Variants in RWDD1 observed in about 807,000 individuals in gnomAD.
RWDD1 encodes RWD domain-containing protein 1.
Under a neutral mutation model 31.6 loss-of-function variants are expected in RWDD1, and 17 were observed. The observed-to-expected ratio is 0.54, with a 90% CI of 0.37 to 0.81. RWDD1 has a LOEUF of 0.81. Among genes scored for constraint, RWDD1 ranks in the 30% least tolerant of loss-of-function variants. The probability of loss-of-function intolerance (pLI) is 0.00; values close to 1 mark genes in which losing one functional copy is unlikely to be tolerated. For synonymous variants in RWDD1, 78 were observed against 94.2 expected (o/e 0.83, Z 0.99); for missense variants, 204 against 274.5 (o/e 0.74, Z 1.82).
In RWDD1 at chr6:116,595,205, A is replaced by C. The variant is rs910025677; in HGVS notation, c.*2104A>C. 1.3e-5 allele frequency: 2 copies of C among 152,238 alleles called. No individual in the cohort carries two copies. The highest frequency in any genetic ancestry group is 4.8e-5 in the African/African-American group (2 of 41,468). 9.4% of individuals were successfully genotyped at this position (152,238 alleles called of 1,614,324 possible). A position where few individuals can be genotyped will look rare whatever the true frequency, so the allele number is the denominator to read the frequency against. ...AAGACTTAACTTTGAAGTGTCAAGA[A>C]TGATAACCTCCCATCCACTTCATGT... On this transcript the variant is annotated 3_prime_UTR_variant, in exon 7 of 7. Transcript: ENST00000466444.
intron 1 of RWDD1, chr6:116,572,926 C>G: frequency 1.0e-6 from 1 of 985,262 alleles, no homozygotes; most frequent in African/African-American, 1.7e-5. Context: ...AGCAGTACAT[C>G]TGTGCTGTGA....
chr6:116,590,379 A>C lies in RWDD1; in HGVS notation c.522A>C (p.Glu174Asp). ...EIKKKRMKEE[E>D]QAGKNKLSGK... ...AAAAGAAAAGGATGAAAGAAGAAGA[A>C]CAAGCAGGAAAAAATAAATTAAGTG... The change falls in exon 5 of 7, where the codon GAA (glutamate) becomes GAC (aspartate). Residue 174 changes from glutamate (E) to aspartate (D), a missense_variant. Transcript: ENST00000466444. 6.3e-7 allele frequency: 1 copy of C among 1,596,372 alleles called. No homozygotes were observed. The highest frequency in any genetic ancestry group is 8.5e-7 in the Non-Finnish European group (1 of 1,174,746).
At chr6:116,573,367 A>G (rs1183581495) in intron 1 of RWDD1, among the ~76,000 whole-genome samples, 2 of 152,216 alleles carry the variant, frequency 1.3e-5, no homozygotes, top group Non-Finnish European at 2.9e-5. Context: ...GAGCCAGGGT[A>G]ATAAAAGACA....
chr6:116,592,984 A>C lies in RWDD1; in HGVS notation c.615A>C (p.Gly205=). 1.9e-6 allele frequency: 3 copies of C among 1,603,834 alleles called. No homozygotes were observed. Among genetic ancestry groups the C allele is most frequent in the Non-Finnish European group, 2.5e-6 (3 of 1,177,292 alleles). Residue 205 remains glycine (G), a synonymous_variant, in exon 7 of 7, where the codon GGA becomes GGC. Transcript: ENST00000466444. ...TSDIQFLEDA[G]NNVEVDESLF... Reference sequence around the variant, plus strand: ...TTTTTTGGTTGCCTTTTGCAGCTGGAAACAACGTGGAGGTAGATGAGTCTT... The same window carrying C: ...TTTTTTGGTTGCCTTTTGCAGCTGGCAACAACGTGGAGGTAGATGAGTCTT...
chr6:116,586,547 A>G (rs1445575457), intron 3 of RWDD1, among the ~76,000 whole-genome samples: 1 of 152,152 alleles, frequency 6.6e-6, no homozygotes, highest in African/African-American at 2.4e-5. Flanking sequence ...TTTTTGTAAA[A>G]CAGTTTACAG....
chr6:116,591,297 A>T (rs1408397143), intron 6 of RWDD1, among the ~76,000 whole-genome samples: 1 of 152,206 alleles, frequency 6.6e-6, no homozygotes, highest in Non-Finnish European at 1.5e-5. Flanking sequence ...CATATATTTT[A>T]AATTTTTTGG....
intron 1 of RWDD1, among the ~76,000 whole-genome samples, chr6:116,571,941 C>G (rs1184541998): frequency 1.3e-5 from 2 of 151,990 alleles, no homozygotes; most frequent in African/African-American, 4.8e-5. Flanking sequence ...CCTACAGCAA[C>G]CTGAGATTTA....
In RWDD1 at chr6:116,592,972, T is replaced by C; in HGVS notation, c.611-8T>C. 1 of 1,602,168 alleles carries C rather than the reference T, an allele frequency of 6.2e-7. No homozygotes were observed. The highest frequency in any genetic ancestry group is 2.2e-5 in the East Asian group (1 of 44,766). ...AGATTTTTTTTTTTTTTTGGTTGCCTTTTGCAGCTGGAAACAACGTGGAGG... is the reference window on the plus strand; with the variant it reads ...AGATTTTTTTTTTTTTTTGGTTGCCCTTTGCAGCTGGAAACAACGTGGAGG... On this transcript the variant is annotated splice_region_variant and splice_polypyrimidine_tract_variant and intron_variant, in intron 6 of 6. Transcript: ENST00000466444.
intron 2 of RWDD1, among the ~76,000 whole-genome samples, chr6:116,580,630 T>TAGG (rs1212835705): frequency 1.3e-5 from 2 of 152,068 alleles, no homozygotes; most frequent in Non-Finnish European, 2.9e-5. Flanking sequence ...TGAAAAAAGG[T>TAGG]AGGAAACTTT....
intron 1 of RWDD1, 76 bp downstream of exon 1, chr6:116,571,731 C>G: frequency 1.2e-5 from 16 of 1,384,594 alleles, no homozygotes; most frequent in Non-Finnish European, 1.6e-5. Context: ...AGCTCTGGGC[C>G]TCATAGGTTG....
At chr6:116,577,143 C>T (rs1044070110) in intron 1 of RWDD1, among the ~76,000 whole-genome samples, 4 of 152,192 alleles carry the variant, frequency 2.6e-5, no homozygotes, top group African/African-American at 9.7e-5. Flanking sequence ...TTCCAACACA[C>T]TTTATATGGA....
rs560291306 is a variant in RWDD1 at position 116,593,065 on chromosome 6, T to C, written c.696T>C (p.Tyr232=). Residue 232 remains tyrosine (Y), a synonymous_variant, in exon 7 of 7, where the codon TAT becomes TAC. Coordinates refer to ENST00000466444, the MANE Select transcript of RWDD1 (RefSeq NM_015952.4). ...AGGATGATGAAGATGATCCAGACTATAATCCTGCTGACCCAGAGAGTGACT... is the reference window on the plus strand; with the variant it reads ...AGGATGATGAAGATGATCCAGACTACAATCCTGCTGACCCAGAGAGTGACT... ...ELEDDEDDPD[Y]NPADPESDSA... The C allele has an allele frequency of 1.2e-6, 2 of 1,614,002 alleles. No individual in the cohort carries two copies. Among genetic ancestry groups the C allele is most frequent in the African/African-American group, 1.3e-5 (1 of 75,010 alleles).
At chr6:116,582,053 A>G (rs1774956596) in intron 2 of RWDD1, among the ~76,000 whole-genome samples, 1 of 151,932 alleles carries the variant, frequency 6.6e-6, no homozygotes, top group Non-Finnish European at 1.5e-5. Flanking sequence ...TTATCCATCT[A>G]TACATAAAAT....
At position 116,588,383 on chromosome 6, in the gene RWDD1, T is replaced by G. The variant is rs564258646; in HGVS notation, c.271-459T>G. ...TATATCCTTTTCATGAGTTCGAGATTTTTTTATATTTGGTTTTAAACCATT... is the reference window on the plus strand; with the variant it reads ...TATATCCTTTTCATGAGTTCGAGATGTTTTTATATTTGGTTTTAAACCATT... On this transcript the variant is annotated intron_variant, in intron 3 of 6. Coordinates refer to ENST00000466444, the MANE Select transcript of RWDD1 (RefSeq NM_015952.4). Among the ~76,000 whole-genome samples, 54 of 152,288 alleles carry G rather than the reference T, an allele frequency of 3.5e-4. 1 individual carries two copies. The highest frequency in any genetic ancestry group is 1.3e-3 in the African/African-American group (54 of 41,572).
At chr6:116,573,660 G>A (rs1045810950) in intron 1 of RWDD1, among the ~76,000 whole-genome samples, 2 of 152,076 alleles carry the variant, frequency 1.3e-5, no homozygotes, top group East Asian at 3.8e-4. Context: ...TTGTATTTAT[G>A]ATTCCATACT....
At chr6:116,573,823 C>CT (rs200209942) in intron 1 of RWDD1, among the ~76,000 whole-genome samples, 27,368 of 147,006 alleles carry the variant, frequency 0.19, 2,567 homozygotes, top group East Asian at 0.29. Context: ...AATAGATATA[C>CT]TTTTTTTTTT....
intron 1 of RWDD1, among the ~76,000 whole-genome samples, chr6:116,573,399 T>C (rs1774782051): frequency 6.6e-6 from 1 of 152,190 alleles, no homozygotes. Context: ...TTTTGATGCA[T>C]TCAGGTATTC....
At chr6:116,576,171 A>G (rs1774835713) in intron 1 of RWDD1, among the ~76,000 whole-genome samples, 1 of 152,236 alleles carries the variant, frequency 6.6e-6, no homozygotes. Context: ...AGCCTCTCCA[A>G]GCATTAGTCT....
At chr6:116,573,742 GT>G in intron 1 of RWDD1, among the ~76,000 whole-genome samples, 1 of 152,072 alleles carries the variant, frequency 6.6e-6, no homozygotes, top group South Asian at 2.1e-4. Context: ...CTAAATGGGA[GT>G]TTTGTAACTT....
Sources: gnomAD v4.1 joint callset for allele counts (sites outside exome capture counted in the v4.1 genomes callset) on GRCh38, gnomAD v4.1.1 for gene constraint, MANE v1.5 for transcripts, NCBI Gene and HGNC (gene_info 2026-07-23, HGNC 2026-07-21) for gene names.